The following MICAL3 variants were observed in gnomAD, a reference collection of about 807,000 sequenced individuals.
The protein encoded by MICAL3 is [F-actin]-monooxygenase MICAL3.
Under a neutral mutation model 207.4 loss-of-function variants are expected in MICAL3, and 62 were observed. The ratio of observed to expected loss-of-function variants is 0.30; its 90% CI spans 0.24 to 0.37. MICAL3 has a LOEUF of 0.37. Ranked by LOEUF, MICAL3 falls within the 10% of genes least tolerant of loss-of-function variation. The probability of loss-of-function intolerance (pLI) is 1.00; values close to 1 mark genes in which losing one functional copy is unlikely to be tolerated. For missense variants in MICAL3, 2,368 were observed against 2,635.6 expected, an observed-to-expected ratio of 0.90 and a Z score of 2.22; for synonymous variants, 1,077 against 1,069.3, an observed-to-expected ratio of 1.01 and a Z score of -0.14.
chr22:17,953,928 C>A (rs1934472430), intron 1 of MICAL3, among the ~76,000 whole-genome samples: 1 of 42,610 alleles, frequency 2.3e-5, no homozygotes, highest in Non-Finnish European at 4.2e-5. Flanking sequence ...AAGACTCCAT[C>A]TCAAAAAAAA....
chr22:17,847,643 T>C (rs1924777161), intron 19 of MICAL3, among the ~76,000 whole-genome samples: 1 of 152,118 alleles, frequency 6.6e-6, no homozygotes, highest in Non-Finnish European at 1.5e-5. Context: ...CGGCGTCACC[T>C]TCCCGCAAGA....
At chr22:17,975,689 C>T (rs900636936) in intron 1 of MICAL3, among the ~76,000 whole-genome samples, 1 of 152,122 alleles carries the variant, frequency 6.6e-6, no homozygotes, top group Non-Finnish European at 1.5e-5. Flanking sequence ...CCAAGTGTGT[C>T]CCCAAAAAAC....
intron 18 of MICAL3, 79 bp downstream of exon 18, chr22:17,865,845 G>C: frequency 2.5e-6 from 3 of 1,187,618 alleles, no homozygotes; most frequent in Non-Finnish European, 3.8e-6. Flanking sequence ...GGCATTTGCA[G>C]GTTGGCCGCC....
Position 17,980,050 on chromosome 22 carries a change from A to C in MICAL3, c.-75+44231T>G, listed in dbSNP as rs564325227. Among the ~76,000 whole-genome samples the C allele has an allele frequency of 2.0e-5, 3 of 152,272 alleles. No individual in the cohort carries two copies. In the East Asian group the frequency reaches 5.8e-4, roughly 29 times the overall value. On this transcript the variant is annotated intron_variant, in intron 1 of 31. Transcript: ENST00000441493. ...CATTATATTGTCCAGACTGGTCTGG[A>C]ACTGCTGGGCTCAAGTGATCCTCCC...
chr22:17,960,163 T>C (rs1414193688), intron 1 of MICAL3, among the ~76,000 whole-genome samples: 1 of 152,204 alleles, frequency 6.6e-6, no homozygotes, highest in African/African-American at 2.4e-5. Flanking sequence ...CCAGCATGGC[T>C]AGCTCACTCC....
chr22:17,933,615 T>C lies in MICAL3; in HGVS notation c.-74-26729A>G, dbSNP rs565548550. Among the ~76,000 whole-genome samples the C allele has an allele frequency of 1.5e-3, 234 of 152,106 alleles. 1 individual carries two copies. Among genetic ancestry groups the C allele is most frequent in the Non-Finnish European group, 3.0e-3 (203 of 68,006 alleles). Reference sequence around the variant, plus strand: ...AAGCTAGCAGAAGGCAAGAAATAACTAAGATCAGGGCAGAACTGAAAGAGA... The same window carrying C: ...AAGCTAGCAGAAGGCAAGAAATAACCAAGATCAGGGCAGAACTGAAAGAGA... On this transcript the variant is annotated intron_variant, in intron 1 of 31. Transcript: ENST00000441493.
intron 8 of MICAL3, 62 bp downstream of exon 8, chr22:17,896,662 C>A (rs568812809): frequency 5.8e-5 from 90 of 1,546,580 alleles, no homozygotes; most frequent in Non-Finnish European, 7.7e-5. Context: ...ACCCAGGATG[C>A]CCAGATTCAC....
chr22:17,850,807 T>G (rs996530357), intron 19 of MICAL3, among the ~76,000 whole-genome samples: 1 of 152,152 alleles, frequency 6.6e-6, no homozygotes, highest in East Asian at 1.9e-4. Context: ...TACACATCAA[T>G]GTATCTGGTC....
chr22:17,948,373 G>A (rs1404544399), intron 1 of MICAL3, among the ~76,000 whole-genome samples: 1 of 152,200 alleles, frequency 6.6e-6, no homozygotes, highest in Admixed American at 6.5e-5. Flanking sequence ...CTTGTTTTGT[G>A]CAGCATGGAT....
intron 1 of MICAL3, among the ~76,000 whole-genome samples, chr22:17,969,528 T>C (rs1935306587): frequency 6.6e-6 from 1 of 152,080 alleles, no homozygotes; most frequent in South Asian, 2.1e-4. Flanking sequence ...ATGCTTTTTT[T>C]TCTCTTCCTT....
At chr22:17,823,187 G>T in intron 22 of MICAL3, 127 bp from the exon 23 acceptor site, 1 of 675,182 alleles carries the variant, frequency 1.5e-6, no homozygotes, top group Non-Finnish European at 2.6e-6. Context: ...GAGGGGAGAT[G>T]CTGCCAGGCC....
intron 1 of MICAL3, chr22:18,019,726 G>A (rs1450096887): frequency 4.9e-6 from 1 of 203,044 alleles, no homozygotes; most frequent in Non-Finnish European, 1.1e-5. Flanking sequence ...AGAAAAAAAG[G>A]GTGATCAGGG....
chr22:17,818,230 C>T lies in MICAL3; in HGVS notation c.4431G>A (p.Arg1477=). 1 of 1,537,946 alleles carries T rather than the reference C, an allele frequency of 6.5e-7. No homozygotes were observed. Among genetic ancestry groups the T allele is most frequent in the Non-Finnish European group, 8.7e-7 (1 of 1,147,850 alleles). The change falls in exon 26 of 32, where the codon AGG becomes AGA. Residue 1477 remains arginine (R), a synonymous_variant. Transcript: ENST00000441493. ...EEPATLRRKL[R]EAEPNASVVP... is the part of the protein sequence containing the mutation. ...CCACCGAGGCATTGGGCTCGGCCTCCCTGAGCTTCCTCCGCAAGGTGGCGG... is the reference window on the plus strand; with the variant it reads ...CCACCGAGGCATTGGGCTCGGCCTCTCTGAGCTTCCTCCGCAAGGTGGCGG...
chr22:18,002,384 A>C (rs2146491909), intron 1 of MICAL3, among the ~76,000 whole-genome samples: 1 of 152,272 alleles, frequency 6.6e-6, no homozygotes, highest in South Asian at 2.1e-4. Flanking sequence ...TAATCCCAGC[A>C]CTTTGGGAGG....
intron 1 of MICAL3, among the ~76,000 whole-genome samples, chr22:17,965,414 A>T (rs1306415569): frequency 6.6e-6 from 1 of 152,198 alleles, no homozygotes; most frequent in Non-Finnish European, 1.5e-5. Context: ...CTTACCACAC[A>T]TCAGAGAGTC....
chr22:17,944,824 C>T (rs557492715), intron 1 of MICAL3, among the ~76,000 whole-genome samples: 4 of 152,230 alleles, frequency 2.6e-5, no homozygotes, highest in South Asian at 2.1e-4. Context: ...GAGCAGGCCA[C>T]GGCAGCAGAT....
intron 1 of MICAL3, among the ~76,000 whole-genome samples, chr22:18,002,958 C>A (rs1334487898): frequency 6.6e-6 from 1 of 152,136 alleles, no homozygotes; most frequent in African/African-American, 2.4e-5. Context: ...AGATCCAGAC[C>A]ATCCTGGATA....
chr22:18,004,945 T>A (rs12170770), intron 1 of MICAL3: 1 of 151,212 alleles, frequency 6.6e-6, no homozygotes, highest in Non-Finnish European at 1.5e-5. Context: ...TTTTTTTTAT[T>A]TTTTTTGAGG....
At chr22:17,819,970 A>T (rs972490348) in intron 25 of MICAL3, among the ~76,000 whole-genome samples, 2 of 139,498 alleles carry the variant, frequency 1.4e-5, no homozygotes, top group Admixed American at 7.2e-5. Flanking sequence ...AAAAAAAAAA[A>T]TCCAATCAGT....
Sources: allele counts gnomAD v4.1 joint callset (sites outside exome capture counted in the v4.1 genomes callset), GRCh38; gene constraint gnomAD v4.1.1; transcripts MANE v1.5; gene names NCBI Gene and HGNC (gene_info 2026-07-23, HGNC 2026-07-21).